The following ZNF385D variants were observed in gnomAD, a reference collection of about 807,000 sequenced individuals.
The protein encoded by ZNF385D is zinc finger protein 385D, also known as zinc finger protein 659.
A neutral mutation model predicts 35.8 loss-of-function variants in ZNF385D; 15 were observed. The ratio of observed to expected loss-of-function variants is 0.42; its 90% CI spans 0.28 to 0.64. The LOEUF (loss-of-function observed/expected upper bound fraction) is 0.64, where lower values mean the gene tolerates loss of function less well. Among genes scored for constraint, ZNF385D ranks in the 30% least tolerant of loss-of-function variants. ZNF385D has a pLI of 0.23. For missense variants in ZNF385D, 474 were observed against 494.6 expected (o/e 0.96, Z 0.39); for synonymous variants, 212 against 186.8 (o/e 1.13, Z -1.10).
chr3:22,189,144 G>T (rs1695848091), intron 2 of ZNF385D, among the ~76,000 whole-genome samples: 1 of 151,904 alleles, frequency 6.6e-6, no homozygotes, highest in African/African-American at 2.4e-5. Context: ...GTTAAGTTTT[G>T]CTCATATACT....
chr3:22,260,450 C>T (rs1240485443), intron 2 of ZNF385D, among the ~76,000 whole-genome samples: 1 of 151,808 alleles, frequency 6.6e-6, no homozygotes, highest in African/African-American at 2.4e-5. Flanking sequence ...ACCACCATGG[C>T]ACATGTATAC....
chr3:22,007,925 C>G (rs1017427304), intron 3 of ZNF385D, among the ~76,000 whole-genome samples: 2 of 151,756 alleles, frequency 1.3e-5, no homozygotes, highest in African/African-American at 4.8e-5. Flanking sequence ...TTTATCACCT[C>G]TGAATTTTGA....
intron 2 of ZNF385D, among the ~76,000 whole-genome samples, chr3:21,588,671 T>A (rs2063884657): frequency 6.6e-6 from 1 of 152,154 alleles, no homozygotes; most frequent in South Asian, 2.1e-4. Context: ...AAGTATAATA[T>A]GATTTTTCAT....
Position 21,646,074 on chromosome 3 carries a change from T to C in ZNF385D, c.165+18812A>G, listed in dbSNP as rs2065742391. 6.6e-6 allele frequency among the ~76,000 whole-genome samples: 1 copy of C among 152,118 alleles called. No individual in the cohort carries two copies. The highest frequency in any genetic ancestry group is 1.5e-5 in the Non-Finnish European group (1 of 68,000). On this transcript the variant is annotated intron_variant, in intron 2 of 7. Transcript: ENST00000281523. The surrounding 1 kb of genome is among the most constrained non-coding windows in gnomAD (Gnocchi z 4.3). ...AATGAGAAAATACCTAAAAAGAATGTGGAGGCTGAGGCCAAAGTGTCAGAT... is the reference window on the plus strand; with the variant it reads ...AATGAGAAAATACCTAAAAAGAATGCGGAGGCTGAGGCCAAAGTGTCAGAT...
At chr3:21,669,794 A>G (rs1314877552) in intron 1 of ZNF385D, among the ~76,000 whole-genome samples, 1 of 152,310 alleles carries the variant, frequency 6.6e-6, no homozygotes, top group East Asian at 1.9e-4. Flanking sequence ...AATCAAGATA[A>G]TTTTAAAGCT....
intron 2 of ZNF385D, among the ~76,000 whole-genome samples, chr3:22,221,496 A>G (rs778142528): frequency 9.9e-5 from 15 of 152,160 alleles, no homozygotes; most frequent in Non-Finnish European, 2.1e-4. Context: ...AGTGTTCTTA[A>G]GACTGAAAAT....
intron 1 of ZNF385D, among the ~76,000 whole-genome samples, chr3:21,747,789 G>A (rs1283060702): frequency 6.6e-6 from 1 of 152,150 alleles, no homozygotes; most frequent in Non-Finnish European, 1.5e-5. Flanking sequence ...ACCACCCACA[G>A]CCTCTCTTCC....
intron 2 of ZNF385D, among the ~76,000 whole-genome samples, chr3:22,313,230 C>A (rs553257950): frequency 3.2e-4 from 46 of 142,646 alleles, no homozygotes; most frequent in Admixed American, 1.9e-3. Context: ...AGGGGAACAT[C>A]ACACACCAGG....
At position 21,555,215 on chromosome 3, in the gene ZNF385D, G is replaced by GT. The variant is rs35875777; in HGVS notation, c.276+9358dup. Among the ~76,000 whole-genome samples the GT allele has an allele frequency of 5.8e-3, 817 of 141,054 alleles. 1 individual carries two copies. The highest frequency in any genetic ancestry group is 0.024 in the South Asian group (109 of 4,482). The allele number at this position is 141,054 out of a possible 152,430, so 92.5% of individuals were successfully genotyped here. On this transcript the variant is annotated intron_variant, in intron 3 of 7. Transcript: ENST00000281523. ...ACTTGAACACATACAGGCAATTGTA[G>GT]TTTTTTTTTTTTTTTTAATACTTTA...
intron 4 of ZNF385D, among the ~76,000 whole-genome samples, chr3:21,451,021 C>T (rs73044405): frequency 0.28 from 42,067 of 151,634 alleles, 6,472 homozygotes; most frequent in East Asian, 0.43. Flanking sequence ...CAAGATAAGA[C>T]AGAATTAGAA....
intron 2 of ZNF385D, among the ~76,000 whole-genome samples, chr3:21,622,545 T>TAATC (rs1415231355): frequency 1.3e-5 from 2 of 152,126 alleles, no homozygotes; most frequent in Non-Finnish European, 2.9e-5. Context: ...CAAAACAAGA[T>TAATC]AATCATACAT....
intron 3 of ZNF385D, among the ~76,000 whole-genome samples, chr3:21,923,237 A>T (rs564091828): frequency 1.3e-5 from 2 of 151,538 alleles, no homozygotes; most frequent in Non-Finnish European, 2.9e-5. Context: ...CCTGTGTCCA[A>T]GTGTTCTCAT....
At chr3:22,041,088 G>A (rs1403260383) in intron 3 of ZNF385D, among the ~76,000 whole-genome samples, 1 of 152,032 alleles carries the variant, frequency 6.6e-6, no homozygotes, top group African/African-American at 2.4e-5. Context: ...CATTAGGTCA[G>A]TTCTCCCGCT....
intron 3 of ZNF385D, among the ~76,000 whole-genome samples, chr3:21,524,068 A>G (rs1470292003): frequency 1.3e-5 from 2 of 152,234 alleles, no homozygotes; most frequent in Non-Finnish European, 2.9e-5. Flanking sequence ...CCTCTTGCAA[A>G]TGCACGATTG....
rs1222559165 is a variant in ZNF385D, at chr3:22,211,794, CT to C, written c.107-42760del. ...TTCTTGACTACACTCTGAGACTTTA[CT>C]GAATTTCTTGTACTGCAGTGTATAA... On this transcript the variant is annotated intron_variant, in intron 2 of 5. Transcript: ENST00000494108. Among the ~76,000 whole-genome samples the C allele has an allele frequency of 2.0e-5, 3 of 152,020 alleles. No homozygotes were observed. The East Asian group carries it at 5.8e-4, about 30-fold the overall frequency.
chr3:21,921,566 T>G (rs11929688), intron 3 of ZNF385D, among the ~76,000 whole-genome samples: 1 of 151,984 alleles, frequency 6.6e-6, no homozygotes, highest in East Asian at 1.9e-4. Flanking sequence ...ATTCCTCTTT[T>G]AAAAAAGGCA....
chr3:22,320,974 A>G (rs549475414), intron 2 of ZNF385D, among the ~76,000 whole-genome samples: 1 of 152,070 alleles, frequency 6.6e-6, no homozygotes, highest in South Asian at 2.1e-4. Flanking sequence ...TTTTTTTGAA[A>G]TGAAAGCAGG....
At chr3:22,023,900 A>C (rs1245646950) in intron 3 of ZNF385D, among the ~76,000 whole-genome samples, 1 of 152,076 alleles carries the variant, frequency 6.6e-6, no homozygotes, top group Non-Finnish European at 1.5e-5. Context: ...GTTCGTTTTC[A>C]TACTGCTCTA....
intron 2 of ZNF385D, among the ~76,000 whole-genome samples, chr3:21,652,037 G>A (rs1295432332): frequency 6.6e-6 from 1 of 152,058 alleles, no homozygotes; most frequent in Non-Finnish European, 1.5e-5. Flanking sequence ...ACTCATATAA[G>A]CAGCAATTAA....
Sources: allele counts gnomAD v4.1 joint callset (sites outside exome capture counted in the v4.1 genomes callset), GRCh38; gene constraint gnomAD v4.1.1; non-coding constraint Gnocchi (gnomAD v3.1); transcripts MANE v1.5; gene names NCBI Gene and HGNC (gene_info 2026-07-23, HGNC 2026-07-21).